The following NUP98 variants were observed in gnomAD, a reference collection of about 807,000 sequenced individuals.
NUP98 encodes the protein nucleoporin 98 and 96 precursor.
Under a neutral mutation model 191.9 loss-of-function variants are expected in NUP98, and 26 were observed. The observed-to-expected ratio is 0.14, with a 90% CI of 0.10 to 0.19. NUP98 has a LOEUF of 0.19. NUP98 is among the 10% of genes least tolerant of loss of function. The pLI is 1.00. For synonymous variants in NUP98, 808 were observed against 778.4 expected (o/e 1.04, Z -0.63); for missense variants, 1,941 against 2,178.8 (o/e 0.89, Z 2.17).
In NUP98 at chr11:3,693,342, C is replaced by T. The variant is rs924307529; in HGVS notation, c.4201G>A (p.Val1401Met). 5 of 1,614,000 alleles carry T rather than the reference C, an allele frequency of 3.1e-6. No homozygotes were observed. In the African/African-American group the frequency reaches 4.0e-5, roughly 13 times the overall value. The change falls in exon 27 of 33, where the codon GTG (valine) becomes ATG (methionine). Residue 1401 changes from valine (V) to methionine (M), a missense_variant. By Grantham distance (21) the Val-to-Met change is conservative (BLOSUM62 1). Around this residue, in one of 6 missense-constraint regions of NUP98, gnomAD observed 1,030 missense variants for 1,115.8 expected, o/e 0.92. Transcript: ENST00000324932. ...WQLSEKKQIN[V>M]CSQLDWKRSL... is the part of the protein sequence containing the mutation. The stretch of plus-strand genomic sequence containing the variant: ...CGTTTCCAATCCAACTGGGAGCACA[C>T]GTTTATTTGCTTCTTTTCTGAGAGC...
Position 3,771,889 on chromosome 11 carries a change from G to C in NUP98, c.643C>G (p.Pro215Ala). Reference sequence around the variant, plus strand: ...GTACCTGCTCCCACCTGGTTCTGTGGGCCCTTCCTGTTAGCCTGATAATCC... The same window carrying C: ...GTACCTGCTCCCACCTGGTTCTGTGCGCCCTTCCTGTTAGCCTGATAATCC... ...LEDYQANRKG[P>A]QNQVGAGTTT... Residue 215 changes from proline to alanine, a missense_variant, in exon 7 of 33, where the codon CCA (proline) becomes GCA (alanine). Pro to Ala is a conservative substitution (Grantham distance 27, BLOSUM62 -1). This residue lies in a region of NUP98 where 28 missense variants were observed against 74.0 expected (regional missense o/e 0.38). Coordinates refer to ENST00000324932, the MANE Select transcript of NUP98 (RefSeq NM_016320.5). The C allele has an allele frequency of 6.2e-7, 1 of 1,614,066 alleles. No homozygotes were observed. The highest frequency in any genetic ancestry group is 8.5e-7 in the Non-Finnish European group (1 of 1,180,022).
chr11:3,744,850 ATC>A (rs1377064030), intron 11 of NUP98, among the ~76,000 whole-genome samples: 1 of 152,214 alleles, frequency 6.6e-6, no homozygotes, highest in African/African-American at 2.4e-5. Flanking sequence ...AAATACTTAA[ATC>A]TCTCTGTGCT....
At chr11:3,702,335 T>C (rs71457980) in intron 23 of NUP98, 128 bp downstream of exon 23, 67 of 224,398 alleles carry the variant, frequency 3.0e-4, no homozygotes, top group Admixed American at 4.1e-4. Context: ...TCTCTCTCTC[T>C]CTCTCTCTCT....
At chr11:3,692,401 G>A (rs1378233067) in intron 27 of NUP98, among the ~76,000 whole-genome samples, 1 of 151,810 alleles carries the variant, frequency 6.6e-6, no homozygotes, top group Non-Finnish European at 1.5e-5. Context: ...GCCGAGGCAG[G>A]CAGATCATGA....
intron 1 of NUP98, among the ~76,000 whole-genome samples, chr11:3,785,513 C>G (rs577765770): frequency 6.6e-6 from 1 of 152,172 alleles, no homozygotes; most frequent in African/African-American, 2.4e-5. Context: ...AATCCCAGCA[C>G]TTTGGGAGGC....
chr11:3,712,826 A>C, intron 19 of NUP98, 98 bp from the exon 20 acceptor site: 1 of 1,250,928 alleles, frequency 8.0e-7, no homozygotes, highest in Non-Finnish European at 1.1e-6. Context: ...AAAAAGAAAG[A>C]AAAGGGGAGA....
chr11:3,753,324 A>C lies in NUP98; in HGVS notation c.1259T>G (p.Phe420Cys). The change falls in exon 11 of 33, where the codon TTT becomes TGT. Residue 420 changes from phenylalanine (F) to cysteine (C), a missense_variant. Physicochemically the swap from Phe to Cys is radical, Grantham distance 205. This residue lies in a region of NUP98 where 453 missense variants were observed against 438.2 expected (regional missense o/e 1.03). Transcript: ENST00000324932. ...TGGTAGCAGTTTCTTACCTGTTCCA[A>C]ATCCTGCACCAAGCCCAGTTCCAAG... The part of the protein sequence containing the change: ...GTLGTGLGAG[F>C]GTALGAGQAS... The C allele has an allele frequency of 6.2e-7, 1 of 1,613,764 alleles. No homozygotes were observed. The highest frequency in any genetic ancestry group is 8.5e-7 in the Non-Finnish European group (1 of 1,179,724).
chr11:3,793,563 G>A (rs1316895927), intron 1 of NUP98, among the ~76,000 whole-genome samples: 1 of 151,956 alleles, frequency 6.6e-6, no homozygotes, highest in East Asian at 1.9e-4. Context: ...TGGATTACAG[G>A]TGTGAGCCAC....
chr11:3,695,222 TACC>T (rs1239073448), intron 26 of NUP98, among the ~76,000 whole-genome samples: 1 of 152,378 alleles, frequency 6.6e-6, no homozygotes, highest in South Asian at 2.1e-4. Flanking sequence ...TTATATTGTT[TACC>T]ACTATATGAT....
At position 3,699,132 on chromosome 11, in the gene NUP98, T is replaced by C. The variant is rs141576910; in HGVS notation, c.3959A>G (p.Tyr1320Cys). Residue 1320 changes from tyrosine to cysteine, a missense_variant, in exon 25 of 33, where the codon TAC (tyrosine) becomes TGC (cysteine). Transcript: ENST00000324932. ...KNSPVEAVFS[Y>C]LTGKRISEAC... ...CTCACTGATCCTTTTGCCTGTGAGG[T>C]AGCTGAATACAGCCTCCACAGGGCT... The C allele has an allele frequency of 2.1e-4, 340 of 1,613,582 alleles. 1 individual carries two copies. The highest frequency in any genetic ancestry group is 7.1e-5 in the Non-Finnish European group (84 of 1,180,034).
At chr11:3,699,394 A>G (rs768984360) in intron 24 of NUP98, 46 bp from the exon 25 acceptor site, 10 of 1,599,598 alleles carry the variant, frequency 6.3e-6, no homozygotes, top group Admixed American at 5.0e-5. Context: ...AAGTCTTACA[A>G]CAACTTCACA....
At chr11:3,683,074 A>C in intron 30 of NUP98, 126 bp downstream of exon 30, 1 of 1,400,094 alleles carries the variant, frequency 7.1e-7, no homozygotes, top group East Asian at 2.4e-5. Flanking sequence ...GCTTTTGCAA[A>C]GTATGATTTG....
Position 3,782,060 on chromosome 11 carries a change from T to C in NUP98, c.58A>G (p.Thr20Ala), listed in dbSNP as rs775145141. Residue 20 changes from threonine to alanine, a missense_variant, in exon 2 of 33, where the codon ACT becomes GCT. Physicochemically the swap from Thr to Ala is moderately conservative, Grantham distance 58. Transcript: ENST00000324932. ...FGGGTGGFGT[T>A]STFGQNTGFG... The stretch of plus-strand genomic sequence containing the variant: ...AACTTACTCTGTCCAAATGTTGAAG[T>C]TGTGCCAAAGCCACCTGTGCCACCC... 1.5e-5 allele frequency: 25 copies of C among 1,612,934 alleles called. No individual in the cohort carries two copies. The East Asian group carries it at 4.7e-4, about 30-fold the overall frequency.
chr11:3,735,702 G>C (rs1031254573), intron 12 of NUP98, among the ~76,000 whole-genome samples: 4 of 150,984 alleles, frequency 2.6e-5, no homozygotes, highest in African/African-American at 7.4e-5. Context: ...AAACATTATA[G>C]ACTGGTTTGT....
At chr11:3,742,537 C>A (rs2080320467) in intron 12 of NUP98, among the ~76,000 whole-genome samples, 1 of 151,784 alleles carries the variant, frequency 6.6e-6, no homozygotes, top group Non-Finnish European at 1.5e-5. Flanking sequence ...CCCATCTGTA[C>A]TAAAATTACA....
intron 13 of NUP98, among the ~76,000 whole-genome samples, chr11:3,734,275 C>T (rs1238575534): frequency 7.9e-5 from 12 of 152,230 alleles, no homozygotes; most frequent in African/African-American, 1.4e-4. Context: ...TCAGGTGATC[C>T]ACCCGCCTCG....
intron 1 of NUP98, among the ~76,000 whole-genome samples, chr11:3,788,611 A>T (rs570171536): frequency 8.5e-5 from 13 of 152,106 alleles, no homozygotes; most frequent in Admixed American, 5.2e-4. Flanking sequence ...ATAAATAAAT[A>T]AATTTCTAAA....
chr11:3,716,025 C>T (rs2079169557), intron 18 of NUP98, among the ~76,000 whole-genome samples: 1 of 152,162 alleles, frequency 6.6e-6, no homozygotes, highest in South Asian at 2.1e-4. Context: ...TTCTCCTATT[C>T]TTATAGGTTG....
chr11:3,744,091 G>A lies in NUP98; in HGVS notation c.1408+418C>T, dbSNP rs1337896948. Among the ~76,000 whole-genome samples, 4 of 152,032 alleles carry A rather than the reference G, an allele frequency of 2.6e-5. No individual in the cohort carries two copies. In the East Asian group the frequency reaches 5.8e-4, roughly 22 times the overall value. On this transcript the variant is annotated intron_variant, in intron 12 of 32. Transcript: ENST00000324932. ...TAAAATAAAGAAAAACACTTCAATA[G>A]ATAAAACTAAATTTAGGAAATACAG... is the stretch of plus-strand genomic sequence containing the variant.
Sources: allele counts gnomAD v4.1 joint callset (sites outside exome capture counted in the v4.1 genomes callset), GRCh38; gene constraint gnomAD v4.1.1; regional missense constraint gnomAD v4.1.1; transcripts MANE v1.5; gene names NCBI Gene and HGNC (gene_info 2026-07-23, HGNC 2026-07-21).